Variants in PTCHD4 observed in about 807,000 individuals in gnomAD.
The protein encoded by PTCHD4 is patched domain containing 4.
Under a neutral mutation model 58.1 loss-of-function variants are expected in PTCHD4, and 33 were observed. That is an observed-to-expected ratio of 0.57 (90% CI 0.43 to 0.76). The LOEUF (loss-of-function observed/expected upper bound fraction) is 0.76. Among genes scored for constraint, PTCHD4 ranks in the 30% least tolerant of loss-of-function variants. PTCHD4 has a pLI of 0.00. For missense variants in PTCHD4, 1,058 were observed against 1,027.1 expected, an observed-to-expected ratio of 1.03 and a Z score of -0.41; for synonymous variants, 478 against 409.6, an observed-to-expected ratio of 1.17 and a Z score of -2.02.
intron 3 of PTCHD4, among the ~76,000 whole-genome samples, chr6:48,019,723 G>A (rs1762996828): frequency 6.8e-6 from 1 of 148,060 alleles, no homozygotes; most frequent in East Asian, 2.0e-4. Context: ...GTGGCAGAGC[G>A]AGACTCCGTC....
intron 4 of PTCHD4, among the ~76,000 whole-genome samples, chr6:47,991,656 C>CAGCAATATCA (rs1768283387): frequency 6.6e-6 from 1 of 151,782 alleles, no homozygotes; most frequent in Non-Finnish European, 1.5e-5. Context: ...ACTTAAAGTG[C>CAGCAATATCA]TAGACAGCAA....
At chr6:47,883,054 A>T (rs1764070141) in intron 4 of PTCHD4, among the ~76,000 whole-genome samples, 1 of 151,958 alleles carries the variant, frequency 6.6e-6, no homozygotes, top group Non-Finnish European at 1.5e-5. Flanking sequence ...AATTTATTAT[A>T]CATCTTTGTA....
intron 3 of PTCHD4, 100 bp from the exon 4 acceptor site, chr6:48,009,214 G>T: frequency 2.4e-6 from 3 of 1,274,900 alleles, no homozygotes; most frequent in African/African-American, 3.0e-5. Flanking sequence ...AGAGATAGGT[G>T]CTAGTAATTG....
At chr6:47,933,076 T>A (rs1302852371) in intron 4 of PTCHD4, among the ~76,000 whole-genome samples, 1 of 151,862 alleles carries the variant, frequency 6.6e-6, no homozygotes, top group African/African-American at 2.4e-5. Context: ...GTAGTGAGAG[T>A]TCAAGGTTAC....
At chr6:48,007,936 GCACA>G (rs10554552) in intron 4 of PTCHD4, among the ~76,000 whole-genome samples, 90,755 of 150,134 alleles carry the variant, frequency 0.6, 27,586 homozygotes, top group East Asian at 0.84. Context: ...GTGCGCGCGC[GCACA>G]CACACACACA....
At position 47,866,330 on chromosome 6, in the gene PTCHD4, G is replaced by A. The variant is rs891067544; in HGVS notation, c.*11973C>T. Among the ~76,000 whole-genome samples the A allele has an allele frequency of 6.6e-6, 1 of 151,836 alleles. No homozygotes were observed. The highest frequency in any genetic ancestry group is 1.5e-5 in the Non-Finnish European group (1 of 67,860). ...CCCAGAAGTACTGAGGTTGGGTCTC[G>A]CTATAGGATATATTGATTTAAGTAG... On this transcript the variant is annotated 3_prime_UTR_variant, in exon 5 of 5. Transcript: ENST00000339488.
At chr6:48,029,105 C>T (rs1763349210) in intron 3 of PTCHD4, among the ~76,000 whole-genome samples, 1 of 152,012 alleles carries the variant, frequency 6.6e-6, no homozygotes, top group African/African-American at 2.4e-5. Context: ...TACTATCAAT[C>T]ATAATTCCGG....
chr6:47,905,946 C>G (rs1476444558), intron 4 of PTCHD4, among the ~76,000 whole-genome samples: 2 of 152,234 alleles, frequency 1.3e-5, no homozygotes, highest in Admixed American at 1.3e-4. Flanking sequence ...GCTTGCTGGA[C>G]TCTATTGCTT....
chr6:48,063,736 A>T lies in PTCHD4; in HGVS notation c.417+4494T>A, dbSNP rs1450458646. ...AAACTGAACATTCAGTAAGGTAGTG[A>T]TGTTTTACTCAGTCAGAAAGGTAAG... On this transcript the variant is annotated intron_variant, in intron 3 of 4. Transcript: ENST00000339488. Among the ~76,000 whole-genome samples the T allele has an allele frequency of 2.0e-5, 3 of 152,206 alleles. No homozygotes were observed. In the East Asian group the frequency reaches 5.8e-4, roughly 29 times the overall value.
intron 1 of PTCHD4, among the ~76,000 whole-genome samples, chr6:48,080,623 A>C (rs1036197398): frequency 3.9e-5 from 6 of 152,200 alleles, no homozygotes; most frequent in African/African-American, 1.4e-4. Context: ...TAATCACATA[A>C]TAGCTACTTA....
intron 3 of PTCHD4, among the ~76,000 whole-genome samples, chr6:48,066,248 G>C (rs1039876219): frequency 6.6e-6 from 1 of 152,078 alleles, no homozygotes; most frequent in Admixed American, 6.6e-5. Flanking sequence ...CACAACAAAT[G>C]ATTATTAAAT....
intron 4 of PTCHD4, among the ~76,000 whole-genome samples, chr6:47,944,613 G>T (rs976084535): frequency 3.9e-5 from 6 of 152,040 alleles, no homozygotes; most frequent in African/African-American, 1.4e-4. Flanking sequence ...TAAATAACAG[G>T]TACAGTGCTA....
intron 4 of PTCHD4, among the ~76,000 whole-genome samples, chr6:48,000,080 C>T (rs749030769): frequency 7.2e-5 from 11 of 152,094 alleles, no homozygotes; most frequent in Non-Finnish European, 1.6e-4. Context: ...TTCTCTTTTG[C>T]CTGCATGGCC....
At chr6:47,976,928 A>AAAT (rs1190282306) in intron 4 of PTCHD4, among the ~76,000 whole-genome samples, 1 of 152,120 alleles carries the variant, frequency 6.6e-6, no homozygotes, top group Non-Finnish European at 1.5e-5. Flanking sequence ...GGGTTTGAGG[A>AAAT]AATAGACACT....
Position 48,068,175 on chromosome 6 carries a change from G to A in PTCHD4, c.417+55C>T. The stretch of plus-strand genomic sequence containing the variant: ...TCATCCAGCACGCATTTCTTATCCT[G>A]ATTTCTCAACACACACAGATGGGAA... On this transcript the variant is annotated intron_variant, in intron 3 of 4. Coordinates refer to ENST00000339488, the MANE Select transcript of PTCHD4 (RefSeq NM_001384253.1). This position sits in a 1 kb window ranked among gnomAD's most constrained non-coding sequence, Gnocchi z 4.2. 1 of 1,492,352 alleles carries A rather than the reference G, an allele frequency of 6.7e-7. No homozygotes were observed. Among genetic ancestry groups the A allele is most frequent in the Non-Finnish European group, 9.0e-7 (1 of 1,112,292 alleles). 92.4% of individuals were successfully genotyped at this position (1,492,352 alleles called of 1,614,324 possible). A position where few individuals can be genotyped will look rare whatever the true frequency, so the allele number is the denominator to read the frequency against.
In PTCHD4 at chr6:47,964,312, G is replaced by GT. The variant is rs540211141; in HGVS notation, c.898+44321dup. On this transcript the variant is annotated intron_variant, in intron 4 of 4. Transcript: ENST00000339488. ...TAGGAGGATACAGCTCATGTTAAGT[G>GT]TTATTACCACATTTTTTTTTAAAGG... 3.3e-3 allele frequency among the ~76,000 whole-genome samples: 498 copies of GT among 151,648 alleles called. 5 individuals are homozygous for GT. Among genetic ancestry groups the GT allele is most frequent in the African/African-American group, 0.011 (468 of 41,088 alleles).
intron 4 of PTCHD4, among the ~76,000 whole-genome samples, chr6:47,948,645 A>G (rs957246686): frequency 1.6e-4 from 24 of 152,144 alleles, no homozygotes; most frequent in Admixed American, 3.9e-4. Flanking sequence ...GGATTTCTGT[A>G]CTATTCTTCT....
At chr6:48,107,822 T>C (rs1765767964) in intron 1 of PTCHD4, among the ~76,000 whole-genome samples, 1 of 152,188 alleles carries the variant, frequency 6.6e-6, no homozygotes. Flanking sequence ...AAAGAAGACA[T>C]TTATGCAGCC....
intron 4 of PTCHD4, among the ~76,000 whole-genome samples, chr6:47,969,715 C>A (rs886467301): frequency 6.6e-6 from 1 of 152,040 alleles, no homozygotes; most frequent in Non-Finnish European, 1.5e-5. Flanking sequence ...TTTCATTTTA[C>A]CTCAAGCTGG....
Sources: gnomAD v4.1 joint callset for allele counts (sites outside exome capture counted in the v4.1 genomes callset) on GRCh38, gnomAD v4.1.1 for gene constraint, Gnocchi (gnomAD v3.1) non-coding constraint, MANE v1.5 for transcripts, NCBI Gene and HGNC (gene_info 2026-07-23, HGNC 2026-07-21) for gene names.